Variants in NKAIN2 observed in about 807,000 individuals in gnomAD.
The protein encoded by NKAIN2 is sodium/potassium transporting ATPase interacting 2.
A neutral mutation model predicts 32.6 loss-of-function variants in NKAIN2; 14 were observed. The ratio of observed to expected loss-of-function variants is 0.43; its 90% confidence interval spans 0.28 to 0.67. The LOEUF (loss-of-function observed/expected upper bound fraction) is 0.67. NKAIN2 is among the 30% of genes least tolerant of loss of function. The pLI is 0.17. For missense variants in NKAIN2, 198 were observed against 258.3 expected (o/e 0.77, Z 1.60); for synonymous variants, 80 against 87.2 (o/e 0.92, Z 0.46).
At chr6:124,428,197 C>T (rs919393913) in intron 3 of NKAIN2, among the ~76,000 whole-genome samples, 1 of 152,072 alleles carries the variant, frequency 6.6e-6, no homozygotes, top group Admixed American at 6.6e-5. Context: ...GAATTCCTTT[C>T]ACTCCTTCCA....
At chr6:123,996,052 A>G (rs1475036537) in intron 1 of NKAIN2, among the ~76,000 whole-genome samples, 1 of 152,152 alleles carries the variant, frequency 6.6e-6, no homozygotes, top group Non-Finnish European at 1.5e-5. Flanking sequence ...AAATCTAGGT[A>G]TGAAGTCTAA....
intron 1 of NKAIN2, among the ~76,000 whole-genome samples, chr6:124,214,614 T>A (rs2114672469): frequency 6.6e-6 from 1 of 152,070 alleles, no homozygotes; most frequent in East Asian, 1.9e-4. Flanking sequence ...CCAGACATGC[T>A]CACTTGAACC....
intron 1 of NKAIN2, among the ~76,000 whole-genome samples, chr6:123,973,478 C>T (rs561293123): frequency 5.5e-4 from 84 of 151,944 alleles, no homozygotes; most frequent in Non-Finnish European, 1.0e-3. Flanking sequence ...CAGGCCCTGG[C>T]CTGTCTATAT....
At chr6:124,671,685 A>C (rs2114475772) in intron 4 of NKAIN2, among the ~76,000 whole-genome samples, 2 of 152,126 alleles carry the variant, frequency 1.3e-5, no homozygotes, top group South Asian at 4.1e-4. Flanking sequence ...TCATGATAAA[A>C]ATTTCACCAT....
chr6:124,811,444 A>C (rs1780901218), intron 5 of NKAIN2, among the ~76,000 whole-genome samples: 1 of 152,198 alleles, frequency 6.6e-6, no homozygotes. Context: ...TAAAAGGTTT[A>C]AATAAAAGAG....
chr6:124,258,147 A>C (rs61421576), intron 1 of NKAIN2, among the ~76,000 whole-genome samples: 62 of 128,632 alleles, frequency 4.8e-4, no homozygotes, highest in African/African-American at 2.0e-3. Context: ...AAGATTAAAA[A>C]AAAAAAAAAA....
At chr6:124,202,029 A>G (rs1790618344) in intron 1 of NKAIN2, among the ~76,000 whole-genome samples, 1 of 151,922 alleles carries the variant, frequency 6.6e-6, no homozygotes, top group Non-Finnish European at 1.5e-5. Context: ...ACTACCTGTA[A>G]AAGATATCTA....
intron 1 of NKAIN2, among the ~76,000 whole-genome samples, chr6:124,145,354 T>C (rs920448721): frequency 6.6e-6 from 1 of 152,014 alleles, no homozygotes; most frequent in African/African-American, 2.4e-5. Flanking sequence ...AGCCAAAAAC[T>C]GAAATCAGCC....
chr6:124,322,318 GATTT>G (rs1385187319), intron 2 of NKAIN2, among the ~76,000 whole-genome samples: 1 of 152,044 alleles, frequency 6.6e-6, no homozygotes, highest in African/African-American at 2.4e-5. Context: ...CAAATAATTA[GATTT>G]ATAGGAAGTT....
At chr6:124,077,997 T>C (rs923852471) in intron 1 of NKAIN2, among the ~76,000 whole-genome samples, 1 of 152,158 alleles carries the variant, frequency 6.6e-6, no homozygotes, top group Non-Finnish European at 1.5e-5. Flanking sequence ...GATTTTTCTT[T>C]TATTTTGCAT....
rs189098054 is a variant in NKAIN2 at position 123,951,698 on chromosome 6, T to C, written c.54+147444T>C. Among the ~76,000 whole-genome samples the C allele has an allele frequency of 3.1e-4, 47 of 152,010 alleles. No individual in the cohort carries two copies. The East Asian group carries it at 8.7e-3, about 28-fold the overall frequency. ...TTTTTTGTAGGCAGCATACTACAGT[T>C]GGGTCACTTTTTTAGTCTATTCAGC... is the stretch of plus-strand genomic sequence containing the variant. On this transcript the variant is annotated intron_variant, in intron 1 of 6. Transcript: ENST00000368417.
intron 3 of NKAIN2, among the ~76,000 whole-genome samples, chr6:124,486,222 C>T (rs1022547603): frequency 2.0e-5 from 3 of 152,116 alleles, no homozygotes; most frequent in Non-Finnish European, 2.9e-5. Flanking sequence ...AGAAACGTGA[C>T]GTCTGTCTCC....
At chr6:124,187,677 A>T (rs1368214810) in intron 1 of NKAIN2, among the ~76,000 whole-genome samples, 1 of 152,154 alleles carries the variant, frequency 6.6e-6, no homozygotes, top group Non-Finnish European at 1.5e-5. Flanking sequence ...TCTACCGTCC[A>T]TTGCCTGACC....
chr6:123,901,049 G>T (rs1008741), intron 1 of NKAIN2, among the ~76,000 whole-genome samples: 22 of 151,896 alleles, frequency 1.4e-4, no homozygotes, highest in Non-Finnish European at 2.9e-4. Flanking sequence ...CATGTCTTTA[G>T]CCTATTGCAT....
intron 1 of NKAIN2, among the ~76,000 whole-genome samples, chr6:124,132,125 G>A (rs1039222502): frequency 6.6e-6 from 1 of 152,102 alleles, no homozygotes; most frequent in Non-Finnish European, 1.5e-5. Context: ...GCTGGGTGAG[G>A]CCTTTCACTA....
chr6:124,165,688 C>T (rs1257620192), intron 1 of NKAIN2, among the ~76,000 whole-genome samples: 1 of 143,472 alleles, frequency 7.0e-6, no homozygotes, highest in Non-Finnish European at 1.5e-5. Context: ...CACCACAGTC[C>T]CCAGAGTGTG....
intron 1 of NKAIN2, among the ~76,000 whole-genome samples, chr6:124,020,675 G>A (rs1184683093): frequency 6.6e-6 from 1 of 152,010 alleles, no homozygotes; most frequent in African/African-American, 2.4e-5. Flanking sequence ...ATCTATTTTT[G>A]TTTTACAGTT....
chr6:124,705,961 C>A (rs1775040286), intron 4 of NKAIN2, among the ~76,000 whole-genome samples: 1 of 152,102 alleles, frequency 6.6e-6, no homozygotes, highest in South Asian at 2.1e-4. Context: ...TCCACACATA[C>A]TGTTGGTGAC....
chr6:124,374,810 A>G (rs1297335165), intron 3 of NKAIN2, among the ~76,000 whole-genome samples: 2 of 152,086 alleles, frequency 1.3e-5, no homozygotes, highest in African/African-American at 2.4e-5. Context: ...ATATATCCCT[A>G]GGTGGTTTAT....
Sources: allele counts gnomAD v4.1 joint callset (sites outside exome capture counted in the v4.1 genomes callset), GRCh38; gene constraint gnomAD v4.1.1; transcripts MANE v1.5; gene names NCBI Gene and HGNC (gene_info 2026-07-23, HGNC 2026-07-21).